Variants in RANBP3 observed in about 807,000 individuals in gnomAD.
RANBP3 encodes RAN binding protein 3, also known as ran-binding protein 3.
A neutral mutation model predicts 77.3 loss-of-function variants in RANBP3; 14 were observed. That is an observed-to-expected ratio of 0.18 (90% CI 0.12 to 0.28). The LOEUF is 0.28. RANBP3 is among the 10% of genes least tolerant of loss of function. RANBP3 has a pLI of 1.00. For synonymous variants in RANBP3, 315 were observed against 312.4 expected (o/e 1.01, Z -0.09); for missense variants, 586 against 752.3 (o/e 0.78, Z 2.59).
At chr19:5,957,413 T>C (rs561772577) in intron 2 of RANBP3, among the ~76,000 whole-genome samples, 1 of 152,114 alleles carries the variant, frequency 6.6e-6, no homozygotes, top group Non-Finnish European at 1.5e-5. Context: ...GGGATAAATA[T>C]ATAATGCAAA....
At chr19:5,923,370 C>T (rs943875336) in intron 12 of RANBP3, 67 bp from the exon 13 acceptor site, 44 of 1,483,662 alleles carry the variant, frequency 3.0e-5, no homozygotes, top group South Asian at 8.0e-5. Context: ...TCCCCTCATC[C>T]GACAGGAGAT....
intron 5 of RANBP3, chr19:5,935,781 C>T (rs908892288): frequency 4.4e-6 from 2 of 456,656 alleles, no homozygotes; most frequent in Admixed American, 4.7e-5. Context: ...GTCCCTGTCA[C>T]AGGCCCTGCT....
intron 5 of RANBP3, chr19:5,933,840 G>T (rs750819142): frequency 1.1e-5 from 2 of 187,118 alleles, no homozygotes; most frequent in Non-Finnish European, 2.2e-5. Flanking sequence ...CGGAACACAG[G>T]CGCTCAGGCC....
chr19:5,927,153 G>A (rs934815457), intron 9 of RANBP3, among the ~76,000 whole-genome samples: 12 of 152,134 alleles, frequency 7.9e-5, no homozygotes, highest in African/African-American at 1.7e-4. Context: ...TAGAGATGCC[G>A]TAGCACATTC....
At chr19:5,966,220 T>C (rs1246194519) in intron 1 of RANBP3, among the ~76,000 whole-genome samples, 1 of 152,182 alleles carries the variant, frequency 6.6e-6, no homozygotes, top group East Asian at 1.9e-4. Flanking sequence ...GATAAGCACC[T>C]ATGGAGGAGC....
At chr19:5,933,357 A>T (rs1275822758) in intron 6 of RANBP3, 57 bp downstream of exon 6, 1 of 1,448,016 alleles carries the variant, frequency 6.9e-7, no homozygotes, top group African/African-American at 1.4e-5. Context: ...GTGGCCTAGC[A>T]GAGGTCTGAA....
intron 3 of RANBP3, 83 bp from the exon 4 acceptor site, chr19:5,941,918 C>T (rs2058142766): frequency 9.5e-6 from 14 of 1,479,676 alleles, no homozygotes; most frequent in Middle Eastern, 2.4e-4. Flanking sequence ...AACAAATATC[C>T]CAACATGCAC....
intron 6 of RANBP3, chr19:5,933,061 C>CG (rs2058016079): frequency 3.1e-5 from 9 of 291,624 alleles, no homozygotes; most frequent in Middle Eastern, 1.0e-3. Context: ...TGGAATGCAG[C>CG]CACCCTGCTA....
chr19:5,972,847 C>G (rs1211512220), intron 1 of RANBP3, among the ~76,000 whole-genome samples: 1 of 152,202 alleles, frequency 6.6e-6, no homozygotes. Flanking sequence ...GGAGCACACA[C>G]CAGACCCAGG....
chr19:5,938,027 A>T (rs961199747), intron 5 of RANBP3, among the ~76,000 whole-genome samples: 2 of 152,118 alleles, frequency 1.3e-5, no homozygotes, highest in Non-Finnish European at 2.9e-5. Flanking sequence ...ACCCTGAAAC[A>T]CCAAGCCCCT....
In RANBP3 at chr19:5,928,006, C is replaced by T. The variant is rs528212129; in HGVS notation, c.775G>A (p.Ala259Thr). The T allele has an allele frequency of 6.2e-7, 1 of 1,613,834 alleles. No individual in the cohort carries two copies. The highest frequency in any genetic ancestry group is 2.2e-5 in the East Asian group (1 of 44,868). The change falls in exon 9 of 17, where the codon GCC (alanine) becomes ACC (threonine). Residue 259 changes from alanine (A) to threonine (T), a missense_variant. Ala to Thr is a moderately conservative substitution (Grantham distance 58, BLOSUM62 0). Around this residue, in one of 5 missense-constraint regions of RANBP3, gnomAD observed 232 missense variants for 271.7 expected, o/e 0.85. Coordinates refer to ENST00000340578, the MANE Select transcript of RANBP3 (RefSeq NM_007322.3). ...CTCAAGTTCTGCCCAAATACAAAGG[C>T]TTGCTGTGTGGCGGGGTCTTTTTTC... ...CEKKDPATQQAFVFGQNLRDR... is the reference protein window; with the variant it reads ...CEKKDPATQQTFVFGQNLRDR...
intron 1 of RANBP3, among the ~76,000 whole-genome samples, chr19:5,963,711 C>G (rs958143408): frequency 6.6e-6 from 1 of 152,164 alleles, no homozygotes; most frequent in African/African-American, 2.4e-5. Flanking sequence ...GGGGGAGATT[C>G]TGAGCCCCTC....
chr19:5,943,238 C>T (rs547934700), intron 3 of RANBP3, among the ~76,000 whole-genome samples: 5 of 152,328 alleles, frequency 3.3e-5, no homozygotes, highest in South Asian at 2.1e-4. Flanking sequence ...AAATGAGGCC[C>T]GCCTGCCTCG....
At chr19:5,974,465 A>G (rs1406453263) in intron 1 of RANBP3, 1 of 152,190 alleles carries the variant, frequency 6.6e-6, no homozygotes, top group Non-Finnish European at 1.5e-5. Flanking sequence ...TCTGGGAGGT[A>G]TCAATGGGGA....
At chr19:5,937,319 A>T (rs1423395296) in intron 5 of RANBP3, among the ~76,000 whole-genome samples, 1 of 152,138 alleles carries the variant, frequency 6.6e-6, no homozygotes, top group Non-Finnish European at 1.5e-5. Flanking sequence ...ACAAGTGAGT[A>T]CTGTGCATGG....
At chr19:5,973,949 C>A (rs921104563) in intron 1 of RANBP3, among the ~76,000 whole-genome samples, 6 of 152,114 alleles carry the variant, frequency 3.9e-5, no homozygotes, top group African/African-American at 1.4e-4. Flanking sequence ...AAACACAAAC[C>A]CAGCTCTCTG....
At chr19:5,927,532 G>T (rs889431712) in intron 9 of RANBP3, among the ~76,000 whole-genome samples, 1 of 152,214 alleles carries the variant, frequency 6.6e-6, no homozygotes, top group East Asian at 1.9e-4. Context: ...TGCCCAGGGC[G>T]ACTCCTCAGA....
Position 5,921,196 on chromosome 19 carries a change from C to A in RANBP3, c.1330+5G>T. 6.2e-7 allele frequency: 1 copy of A among 1,608,810 alleles called. No homozygotes were observed. Among genetic ancestry groups the A allele is most frequent in the Non-Finnish European group, 8.5e-7 (1 of 1,178,302 alleles). Reference sequence around the variant, plus strand: ...CGGCCACAGCCCCCGCCGTCGGCAGCTCACCTAGTCGGGACTGTAGTGTGC... The same window carrying A: ...CGGCCACAGCCCCCGCCGTCGGCAGATCACCTAGTCGGGACTGTAGTGTGC... On this transcript the variant is annotated splice_donor_5th_base_variant and intron_variant, in intron 14 of 16. Transcript: ENST00000340578. The surrounding 1 kb of genome is among the most constrained non-coding windows in gnomAD (Gnocchi z 5.3).
intron 5 of RANBP3, chr19:5,934,485 A>G (rs1231037259): frequency 1.3e-5 from 2 of 152,262 alleles, no homozygotes; most frequent in Admixed American, 6.5e-5. Context: ...TCCATTTACA[A>G]TAACACCAAA....
Sources: gnomAD v4.1 joint callset for allele counts (sites outside exome capture counted in the v4.1 genomes callset) on GRCh38, gnomAD v4.1.1 for gene constraint, gnomAD v4.1.1 regional missense constraint, Gnocchi (gnomAD v3.1) non-coding constraint, MANE v1.5 for transcripts, NCBI Gene and HGNC (gene_info 2026-07-23, HGNC 2026-07-21) for gene names.